The following ATP2C2 variants were observed in gnomAD, a reference collection of about 807,000 sequenced individuals.
The protein encoded by ATP2C2 is calcium-transporting ATPase type 2C member 2.
A neutral mutation model predicts 110.8 loss-of-function variants in ATP2C2; 171 were observed. The ratio of observed to expected loss-of-function variants is 1.54; its 90% confidence interval spans 1.36 to 1.75. The LOEUF is 1.75. Among genes scored for constraint, ATP2C2 ranks in the 40% most tolerant of loss-of-function variants. The pLI is 0.00. For missense variants in ATP2C2, 1,963 were observed against 1,235.0 expected, an observed-to-expected ratio of 1.59 and a Z score of -8.84; for synonymous variants, 804 against 508.4, an observed-to-expected ratio of 1.58 and a Z score of -7.82.
intron 11 of ATP2C2, among the ~76,000 whole-genome samples, chr16:84,427,578 G>T (rs978457601): frequency 2.6e-5 from 4 of 152,102 alleles, no homozygotes; most frequent in African/African-American, 9.7e-5. Context: ...TTAACTGGGT[G>T]TGGTGGCAGG....
At chr16:84,433,705 C>T (rs766571523) in intron 11 of ATP2C2, among the ~76,000 whole-genome samples, 3 of 151,832 alleles carry the variant, frequency 2.0e-5, no homozygotes, top group Non-Finnish European at 4.4e-5. Flanking sequence ...CACACACACA[C>T]CCTCCTGCCA....
intron 1 of ATP2C2, among the ~76,000 whole-genome samples, chr16:84,396,549 CAAAAAAAAA>C (rs57290176): frequency 1.1e-4 from 8 of 74,806 alleles, no homozygotes; most frequent in African/African-American, 2.8e-4. Context: ...GGCTCTATCT[CAAAAAAAAA>C]AAAAAAAAAA....
intron 18 of ATP2C2, 119 bp downstream of exon 18, chr16:84,452,210 C>T (rs1317211908): frequency 1.3e-5 from 17 of 1,261,530 alleles, no homozygotes; most frequent in South Asian, 1.3e-4. Flanking sequence ...CCTAGCCCTA[C>T]AGGCTTAGAA....
chr16:84,408,547 A>G (rs1905988557), intron 4 of ATP2C2, 53 bp downstream of exon 4: 1 of 1,421,190 alleles, frequency 7.0e-7, no homozygotes, highest in Non-Finnish European at 9.9e-7. Context: ...AGGTCTGCTG[A>G]GTCTCTGCTT....
At chr16:84,417,178 G>A (rs573774914) in intron 7 of ATP2C2, among the ~76,000 whole-genome samples, 131 of 152,310 alleles carry the variant, frequency 8.6e-4, no homozygotes, top group Non-Finnish European at 1.5e-3. Context: ...TACTTGGGAG[G>A]ATTACAGATC....
intron 3 of ATP2C2, among the ~76,000 whole-genome samples, chr16:84,407,811 G>T (rs7196905): frequency 0.046 from 6,972 of 152,162 alleles, 419 homozygotes; most frequent in African/African-American, 0.15. Context: ...CTGATCTTTG[G>T]TCTGCCTTCT....
At chr16:84,402,549 T>C (rs941087528) in intron 2 of ATP2C2, among the ~76,000 whole-genome samples, 1 of 152,232 alleles carries the variant, frequency 6.6e-6, no homozygotes, top group Non-Finnish European at 1.5e-5. Context: ...TCAGCATTAA[T>C]TGAAATGATC....
chr16:84,378,525 G>A (rs777051944), intron 1 of ATP2C2, among the ~76,000 whole-genome samples: 5 of 152,116 alleles, frequency 3.3e-5, no homozygotes, highest in Non-Finnish European at 7.3e-5. Flanking sequence ...CCCTCACTAC[G>A]CCTCCCTCAG....
At chr16:84,453,473 G>A (rs541728921) in intron 20 of ATP2C2, 102 bp downstream of exon 20, 534 of 1,475,490 alleles carry the variant, frequency 3.6e-4, no homozygotes, top group Non-Finnish European at 4.3e-4. Flanking sequence ...TGCAGGGCCC[G>A]ACCGTGGCTT....
chr16:84,448,560 G>C lies in ATP2C2; in HGVS notation c.1531G>C (p.Gly511Arg). The C allele has an allele frequency of 6.2e-7, 1 of 1,612,606 alleles. No individual in the cohort carries two copies. Among genetic ancestry groups the C allele is most frequent in the Non-Finnish European group, 8.5e-7 (1 of 1,179,154 alleles). Residue 511 changes from glycine (G) to arginine (R), a missense_variant, in exon 17 of 27, where the codon GGG becomes CGG. Transcript: ENST00000262429. The stretch of plus-strand genomic sequence containing the variant: ...TCAGGAAGACATTTACTTCATGAAA[G>C]GGGCCTTGGAAGAGGTGATCCGCTA... ...EDQEDIYFMK[G>R]ALEEVIRYCT...
intron 7 of ATP2C2, among the ~76,000 whole-genome samples, chr16:84,421,059 G>C (rs1207681928): frequency 6.6e-6 from 1 of 152,196 alleles, no homozygotes; most frequent in Non-Finnish European, 1.5e-5. Flanking sequence ...GCCTGCCTCG[G>C]CCTCCCAAAG....
chr16:84,416,980 C>T (rs1173639741), intron 7 of ATP2C2, among the ~76,000 whole-genome samples: 3 of 152,176 alleles, frequency 2.0e-5, no homozygotes, highest in Non-Finnish European at 4.4e-5. Flanking sequence ...ACAGGTCCGC[C>T]ACAAGGGCTG....
rs559006395 is a variant in ATP2C2 at position 84,463,806 on chromosome 16, G to T, written c.*74G>T. On this transcript the variant is annotated 3_prime_UTR_variant, in exon 27 of 27. Coordinates refer to ENST00000262429, the MANE Select transcript of ATP2C2 (RefSeq NM_014861.4). ...ACTGTGGCCCCTGCCGTGTCTCCTCGTCAGGGGAGACTTTTAGGAGGCCGC... is the reference window on the plus strand; with the variant it reads ...ACTGTGGCCCCTGCCGTGTCTCCTCTTCAGGGGAGACTTTTAGGAGGCCGC... The T allele has an allele frequency of 3.9e-5, 51 of 1,323,260 alleles. 1 individual carries two copies. The Middle Eastern group carries it at 5.6e-4, about 15-fold the overall frequency. The allele number at this position is 1,323,260 out of a possible 1,614,324, so 82.0% of individuals were successfully genotyped here.
intron 10 of ATP2C2, among the ~76,000 whole-genome samples, chr16:84,425,124 T>G (rs1483660191): frequency 1.3e-5 from 2 of 152,054 alleles, no homozygotes; most frequent in African/African-American, 4.8e-5. Context: ...TCAGAAAACA[T>G]CCCTGGCCCC....
intron 1 of ATP2C2, among the ~76,000 whole-genome samples, chr16:84,376,649 T>C (rs1004905496): frequency 3.9e-5 from 6 of 152,282 alleles, no homozygotes; most frequent in Non-Finnish European, 7.4e-5. Flanking sequence ...TGGACACCCC[T>C]TGTGTAGACC....
chr16:84,453,413 G>T, intron 20 of ATP2C2, 42 bp downstream of exon 20: 1 of 1,611,304 alleles, frequency 6.2e-7, no homozygotes, highest in Non-Finnish European at 8.5e-7. Flanking sequence ...TGCTGGGGCC[G>T]GGCCAGAGAC....
chr16:84,441,899 G>C (rs958740850), intron 14 of ATP2C2, among the ~76,000 whole-genome samples: 1 of 151,856 alleles, frequency 6.6e-6, no homozygotes, highest in Admixed American at 6.6e-5. Context: ...CTCCACCCTG[G>C]GTAATAGAAT....
At chr16:84,449,826 C>CAGCA (rs1910094377) in intron 17 of ATP2C2, among the ~76,000 whole-genome samples, 1 of 152,220 alleles carries the variant, frequency 6.6e-6, no homozygotes, top group African/African-American at 2.4e-5. Context: ...CCTCTGCTGA[C>CAGCA]GAAATGGCTC....
At position 84,438,391 on chromosome 16, in the gene ATP2C2, G is replaced by A. The variant is rs1251795071; in HGVS notation, c.987-775G>A. Among the ~76,000 whole-genome samples the A allele has an allele frequency of 2.0e-5, 3 of 152,188 alleles. No individual in the cohort carries two copies. In the East Asian group the frequency reaches 5.8e-4, roughly 29 times the overall value. ...GAATGTGGGGCCAGTCAGCCCCGAT[G>A]TTGTGGAGTCTCAGCCAAAAGGGAT... On this transcript the variant is annotated intron_variant, in intron 11 of 26. Transcript: ENST00000262429.
Sources: gnomAD v4.1 joint callset for allele counts (sites outside exome capture counted in the v4.1 genomes callset) on GRCh38, gnomAD v4.1.1 for gene constraint, MANE v1.5 for transcripts, NCBI Gene and HGNC (gene_info 2026-07-23, HGNC 2026-07-21) for gene names.